The following TENM4 variants were observed in gnomAD, a reference collection of about 807,000 sequenced individuals.
TENM4 encodes teneurin transmembrane protein 4, also known as teneurin-4.
Under a neutral mutation model 243.3 loss-of-function variants are expected in TENM4, and 82 were observed. The ratio of observed to expected loss-of-function variants is 0.34; its 90% CI spans 0.28 to 0.40. The LOEUF (loss-of-function observed/expected upper bound fraction) is 0.40, where lower values mean the gene tolerates loss of function less well. Among genes scored for constraint, TENM4 ranks in the 10% least tolerant of loss-of-function variants. The pLI is 1.00. For missense variants in TENM4, 3,138 were observed against 3,673.3 expected, an observed-to-expected ratio of 0.85 and a Z score of 3.77; for synonymous variants, 1,412 against 1,456.3, an observed-to-expected ratio of 0.97 and a Z score of 0.69.
At chr11:78,969,333 T>G (rs185502353) in intron 6 of TENM4, among the ~76,000 whole-genome samples, 1 of 152,366 alleles carries the variant, frequency 6.6e-6, no homozygotes, top group East Asian at 1.9e-4. Context: ...TCCTAAGATC[T>G]GCAGAAACAA....
At chr11:79,063,662 A>C (rs1860158773) in intron 6 of TENM4, among the ~76,000 whole-genome samples, 1 of 152,182 alleles carries the variant, frequency 6.6e-6, no homozygotes, top group Non-Finnish European at 1.5e-5. Flanking sequence ...CCCAGGCAAT[A>C]GTCTCCACGC....
intron 1 of TENM4, among the ~76,000 whole-genome samples, chr11:79,305,809 G>A (rs970565665): frequency 9.2e-5 from 14 of 152,330 alleles, no homozygotes; most frequent in Middle Eastern, 3.4e-3. Flanking sequence ...CTGCAGAGCC[G>A]AGGCTGATCT....
intron 2 of TENM4, among the ~76,000 whole-genome samples, chr11:79,289,249 G>C (rs1321068005): frequency 6.6e-6 from 1 of 152,202 alleles, no homozygotes; most frequent in African/African-American, 2.4e-5. Flanking sequence ...GTGGTAAAGA[G>C]TTGTTTCAAC....
chr11:79,398,516 G>A (rs997227295), intron 1 of TENM4, among the ~76,000 whole-genome samples: 3 of 152,046 alleles, frequency 2.0e-5, no homozygotes, highest in East Asian at 3.9e-4. Flanking sequence ...AACAGTGGTA[G>A]CTCCTCTTCA....
At chr11:79,342,478 C>T (rs1164321298) in intron 1 of TENM4, among the ~76,000 whole-genome samples, 2 of 152,084 alleles carry the variant, frequency 1.3e-5, no homozygotes, top group Admixed American at 6.5e-5. Flanking sequence ...GCTGGGAGTA[C>T]AGCGGGCCAC....
At chr11:78,879,150 C>T (rs544501595) in intron 9 of TENM4, among the ~76,000 whole-genome samples, 55 of 148,964 alleles carry the variant, frequency 3.7e-4, no homozygotes, top group Middle Eastern at 3.5e-3. Context: ...CACCTCTGCC[C>T]GGCCACCCCG....
At chr11:79,266,828 G>A (rs483154) in intron 2 of TENM4, among the ~76,000 whole-genome samples, 104,144 of 152,014 alleles carry the variant, frequency 0.69, 35,846 homozygotes, top group Admixed American at 0.71. Context: ...AAGCCATTGC[G>A]TGCATTAAAC....
At chr11:78,942,729 C>A (rs1227474144) in intron 6 of TENM4, among the ~76,000 whole-genome samples, 1 of 151,724 alleles carries the variant, frequency 6.6e-6, no homozygotes, top group African/African-American at 2.4e-5. Flanking sequence ...GCCAGGCTTC[C>A]TGCTTAACTT....
chr11:79,372,070 C>T (rs576185197), intron 1 of TENM4, among the ~76,000 whole-genome samples: 1 of 152,150 alleles, frequency 6.6e-6, no homozygotes, highest in Non-Finnish European at 1.5e-5. Flanking sequence ...CTCTATCCCC[C>T]TCGTGTATAG....
intron 4 of TENM4, among the ~76,000 whole-genome samples, chr11:79,076,061 T>C (rs546490570): frequency 1.1e-4 from 16 of 152,252 alleles, no homozygotes; most frequent in African/African-American, 3.9e-4. Flanking sequence ...GGGTCTTGGT[T>C]TTGGTGTGTC....
chr11:79,201,687 C>T (rs144088886), intron 3 of TENM4, among the ~76,000 whole-genome samples: 76 of 151,904 alleles, frequency 5.0e-4, no homozygotes, highest in African/African-American at 1.8e-3. Context: ...GATATAGTCC[C>T]GTGCAGTAAC....
chr11:79,187,398 C>A (rs139279664), intron 3 of TENM4, among the ~76,000 whole-genome samples: 3 of 152,304 alleles, frequency 2.0e-5, no homozygotes, highest in Admixed American at 2.0e-4. Context: ...TGCATGGGTC[C>A]TTAATAATTA....
At chr11:78,720,527 G>T in intron 24 of TENM4, 137 bp from the exon 25 acceptor site, 2 of 850,082 alleles carry the variant, frequency 2.4e-6, no homozygotes, top group Non-Finnish European at 3.9e-6. Flanking sequence ...CTTAGCAGCT[G>T]TGACACTGAT....
chr11:78,945,323 G>C (rs1401982146), intron 6 of TENM4, among the ~76,000 whole-genome samples: 1 of 152,134 alleles, frequency 6.6e-6, no homozygotes, highest in Non-Finnish European at 1.5e-5. Flanking sequence ...CTGTTATGGT[G>C]ATCTGTGATC....
intron 6 of TENM4, among the ~76,000 whole-genome samples, chr11:79,014,081 G>A (rs771811412): frequency 5.3e-5 from 8 of 152,116 alleles, no homozygotes; most frequent in Non-Finnish European, 7.4e-5. Context: ...CTCAGAGCCC[G>A]GCACAGTCTG....
intron 1 of TENM4, among the ~76,000 whole-genome samples, chr11:79,369,432 C>T (rs538637400): frequency 1.3e-5 from 2 of 152,204 alleles, no homozygotes; most frequent in East Asian, 3.9e-4. Flanking sequence ...TTGCATTTAC[C>T]CTTCCCAAGG....
chr11:78,952,595 G>A (rs934732071), intron 6 of TENM4, among the ~76,000 whole-genome samples: 25 of 152,194 alleles, frequency 1.6e-4, no homozygotes, highest in Non-Finnish European at 7.3e-5. Context: ...AATAGACAGG[G>A]ATCATCTCCA....
At chr11:79,159,536 G>A (rs1408614810) in intron 3 of TENM4, among the ~76,000 whole-genome samples, 1 of 152,152 alleles carries the variant, frequency 6.6e-6, no homozygotes, top group East Asian at 1.9e-4. Flanking sequence ...AAAGGGGGAT[G>A]GGGCTGGACC....
rs532997214 is a variant in TENM4, at chr11:78,903,412, C to G, written c.605G>C (p.Arg202Pro). Residue 202 changes from arginine (R) to proline (P), a missense_variant, in exon 7 of 34, where the codon CGG becomes CCG. Transcript: ENST00000278550. ...HHAASINSLN[R>P]GNFTPRSNPS... Reference sequence around the variant, plus strand: ...GTTGCTCCTCGGCGTGAAGTTGCCCCGGTTCAGGGAGTTAATGGAGGCCGC... The same window carrying G: ...GTTGCTCCTCGGCGTGAAGTTGCCCGGGTTCAGGGAGTTAATGGAGGCCGC... 16 of 1,539,684 alleles carry G rather than the reference C, an allele frequency of 1.0e-5. No homozygotes were observed. The highest frequency in any genetic ancestry group is 5.0e-5 in the East Asian group (2 of 40,114).
Sources: allele counts gnomAD v4.1 joint callset (sites outside exome capture counted in the v4.1 genomes callset), GRCh38; gene constraint gnomAD v4.1.1; transcripts MANE v1.5; gene names NCBI Gene and HGNC (gene_info 2026-07-23, HGNC 2026-07-21).